Variants in ASTN1 observed in about 807,000 individuals in gnomAD.
The protein encoded by ASTN1 is astrotactin 1.
ASTN1 carries 41 observed loss-of-function variants against 140.7 expected under a neutral mutation model. The ratio of observed to expected loss-of-function variants is 0.29; its 90% CI spans 0.23 to 0.38. The LOEUF is 0.38. Among genes scored for constraint, ASTN1 ranks in the 10% least tolerant of loss-of-function variants. The probability of loss-of-function intolerance (pLI) is 1.00; values close to 1 mark genes in which losing one functional copy is unlikely to be tolerated. For missense variants in ASTN1, 1,479 were observed against 1,678.8 expected, an observed-to-expected ratio of 0.88 and a Z score of 2.08; for synonymous variants, 640 against 652.2, an observed-to-expected ratio of 0.98 and a Z score of 0.29.
chr1:177,126,877 G>T (rs1009308245), intron 1 of ASTN1, among the ~76,000 whole-genome samples: 6 of 152,122 alleles, frequency 3.9e-5, no homozygotes, highest in African/African-American at 9.7e-5. Flanking sequence ...ATACTCCAAA[G>T]GTTCATTGAT....
At chr1:176,873,645 G>A (rs892752581) in intron 21 of ASTN1, among the ~76,000 whole-genome samples, 1 of 152,164 alleles carries the variant, frequency 6.6e-6, no homozygotes, top group African/African-American at 2.4e-5. Context: ...TGGTAGAACT[G>A]CTAGAACTGT....
rs373926035 is a variant in ASTN1, at chr1:177,088,268, G to A, written c.284-27003C>T. 2.1e-4 allele frequency among the ~76,000 whole-genome samples: 32 copies of A among 152,126 alleles called. 1 individual carries two copies. The highest frequency in any genetic ancestry group is 7.4e-5 in the Non-Finnish European group (5 of 68,022). On this transcript the variant is annotated intron_variant, in intron 1 of 22. Transcript: ENST00000361833. Reference sequence around the variant, plus strand: ...GGGATGCTTGCGTGCCTGTCGCCTCGGCTACCTTGGTGAAGCCAGACCAAA... The same window carrying A: ...GGGATGCTTGCGTGCCTGTCGCCTCAGCTACCTTGGTGAAGCCAGACCAAA...
At chr1:177,029,763 C>A in intron 4 of ASTN1, 22 bp from the exon 5 acceptor site, 1 of 1,593,876 alleles carries the variant, frequency 6.3e-7, no homozygotes, top group South Asian at 1.1e-5. Context: ...GCAGCATGGT[C>A]AAGAAAGCGT....
intron 1 of ASTN1, among the ~76,000 whole-genome samples, chr1:177,086,142 G>A (rs903815250): frequency 1.3e-5 from 2 of 152,090 alleles, no homozygotes; most frequent in South Asian, 2.1e-4. Context: ...ATTGCTGGAT[G>A]TCCTGGTCTT....
At chr1:177,020,078 G>A (rs777093899) in intron 7 of ASTN1, among the ~76,000 whole-genome samples, 1 of 151,974 alleles carries the variant, frequency 6.6e-6, no homozygotes, top group East Asian at 1.9e-4. Flanking sequence ...TTAGAGATGG[G>A]GTTTATGCCA....
chr1:177,067,644 G>T (rs1169481394), intron 1 of ASTN1, among the ~76,000 whole-genome samples: 1 of 152,156 alleles, frequency 6.6e-6, no homozygotes, highest in African/African-American at 2.4e-5. Flanking sequence ...GTTAATAACA[G>T]TAGGGGATCA....
chr1:176,863,016 G>T lies in ASTN1; in HGVS notation c.*1268C>A. ...TTGCTAGTCAACAGGGCCTTGCCAGGCTCTTTCTGAAAGGCTGGGCTTCCT... is the reference window on the plus strand; with the variant it reads ...TTGCTAGTCAACAGGGCCTTGCCAGTCTCTTTCTGAAAGGCTGGGCTTCCT... On this transcript the variant is annotated 3_prime_UTR_variant, in exon 23 of 23. Transcript: ENST00000361833. The T allele has an allele frequency of 1.0e-6, 1 of 985,520 alleles. No individual in the cohort carries two copies. The highest frequency in any genetic ancestry group is 4.7e-5 in the South Asian group (1 of 21,290). 61.0% of individuals were successfully genotyped at this position (985,520 alleles called of 1,614,324 possible).
At chr1:176,944,084 T>A in intron 13 of ASTN1, 66 bp from the exon 14 acceptor site, 3 of 1,579,110 alleles carry the variant, frequency 1.9e-6, no homozygotes, top group Non-Finnish European at 2.6e-6. Context: ...TGAGCATTTT[T>A]TTTTTTTTTT....
At chr1:177,149,148 C>A (rs60593250) in intron 1 of ASTN1, among the ~76,000 whole-genome samples, 6 of 91,990 alleles carry the variant, frequency 6.5e-5, no homozygotes, top group South Asian at 3.1e-4. Context: ...ATATATAGTG[C>A]ATATATATAG....
chr1:177,117,703 C>T (rs768044145), intron 1 of ASTN1, among the ~76,000 whole-genome samples: 3 of 152,166 alleles, frequency 2.0e-5, no homozygotes, highest in Non-Finnish European at 4.4e-5. Flanking sequence ...CCACACCATA[C>T]TACTCCCTGG....
At chr1:177,117,295 TC>T in intron 1 of ASTN1, among the ~76,000 whole-genome samples, 1 of 152,266 alleles carries the variant, frequency 6.6e-6, no homozygotes, top group Non-Finnish European at 1.5e-5. Context: ...ACTCCCGGCT[TC>T]ACTCCCACAG....
rs963632054 is a variant in ASTN1, at chr1:177,119,326, A to G, written c.283+45068T>C. On this transcript the variant is annotated intron_variant, in intron 1 of 22. Coordinates refer to ENST00000361833, the MANE Select transcript of ASTN1 (RefSeq NM_004319.3). Reference sequence around the variant, plus strand: ...AGCTTTTTAATGTCAAGGAAGAAAAACAGCATTTGCTACTGAATTCACAGA... The same window carrying G: ...AGCTTTTTAATGTCAAGGAAGAAAAGCAGCATTTGCTACTGAATTCACAGA... 5.3e-5 allele frequency among the ~76,000 whole-genome samples: 8 copies of G among 152,190 alleles called. 1 individual carries two copies. Among genetic ancestry groups the G allele is most frequent in the Admixed American group, 2.6e-4 (4 of 15,278 alleles).
chr1:177,109,054 T>C (rs1329867326), intron 1 of ASTN1, among the ~76,000 whole-genome samples: 1 of 152,142 alleles, frequency 6.6e-6, no homozygotes, highest in East Asian at 1.9e-4. Flanking sequence ...TGCAGAGTTA[T>C]CTGAGTCCGA....
chr1:176,949,053 G>C (rs2103115723), intron 12 of ASTN1, 132 bp downstream of exon 12: 2 of 1,299,056 alleles, frequency 1.5e-6, no homozygotes, highest in Non-Finnish European at 2.1e-6. Flanking sequence ...CCAAGTCCTA[G>C]AGGCTCTTTC....
At chr1:177,157,652 A>G (rs190378911) in intron 1 of ASTN1, among the ~76,000 whole-genome samples, 2 of 151,504 alleles carry the variant, frequency 1.3e-5, no homozygotes, top group Non-Finnish European at 2.9e-5. Flanking sequence ...ATTTTTTTTT[A>G]AAAAAAAGGA....
intron 1 of ASTN1, among the ~76,000 whole-genome samples, chr1:177,115,123 C>A (rs764394342): frequency 5.9e-5 from 9 of 152,080 alleles, no homozygotes; most frequent in Admixed American, 1.3e-4. Context: ...CCAGGAGGAG[C>A]ACCACCACCC....
intron 8 of ASTN1, among the ~76,000 whole-genome samples, chr1:176,996,768 A>G (rs1278704720): frequency 1.3e-5 from 2 of 152,158 alleles, no homozygotes; most frequent in African/African-American, 4.8e-5. Flanking sequence ...GACTTCAAAG[A>G]GGGCATCCTG....
intron 2 of ASTN1, among the ~76,000 whole-genome samples, chr1:177,035,153 G>C (rs1676651642): frequency 6.6e-6 from 1 of 152,206 alleles, no homozygotes; most frequent in Non-Finnish European, 1.5e-5. Flanking sequence ...ATTTGAAAAA[G>C]ATGAGGCGCA....
At chr1:177,022,118 C>T (rs1675856469) in intron 7 of ASTN1, among the ~76,000 whole-genome samples, 1 of 152,172 alleles carries the variant, frequency 6.6e-6, no homozygotes, top group South Asian at 2.1e-4. Context: ...GTTTCAGTTA[C>T]CTGCTACTCT....
Sources: gnomAD v4.1 joint callset for allele counts (sites outside exome capture counted in the v4.1 genomes callset) on GRCh38, gnomAD v4.1.1 for gene constraint, MANE v1.5 for transcripts, NCBI Gene and HGNC (gene_info 2026-07-23, HGNC 2026-07-21) for gene names.